C1orf115: variants seen among roughly 807,000 people sequenced by gnomAD.
The protein encoded by C1orf115 is required for drug-induced death protein 1.
A neutral mutation model predicts 12.5 loss-of-function variants in C1orf115; 14 were observed. That is an observed-to-expected ratio of 1.12 (90% CI 0.74 to 1.75). The LOEUF is 1.75. Among genes scored for constraint, C1orf115 ranks in the 40% most tolerant of loss-of-function variants. The pLI is 0.00. For missense variants in C1orf115, 237 were observed against 220.8 expected, an observed-to-expected ratio of 1.07 and a Z score of -0.46; for synonymous variants, 109 against 104.6, an observed-to-expected ratio of 1.04 and a Z score of -0.26.
intron 1 of C1orf115, among the ~76,000 whole-genome samples, chr1:220,691,818 G>A (rs1223073959): frequency 1.3e-5 from 2 of 152,174 alleles, no homozygotes; most frequent in African/African-American, 4.8e-5. Context: ...CTCATTATGC[G>A]TCAGGCATTG....
Position 220,690,590 on chromosome 1 carries a change from C to T in C1orf115, c.188C>T (p.Thr63Ile). ...TSAADERGPG[T>I]RGARRVHFAL... ...GCGGCGGACGAGCGGGGCCCGGGGA[C>T]CCGGGGCGCGCGGAGGGTGCACTTC... Residue 63 changes from threonine (T) to isoleucine (I), a missense_variant, in exon 1 of 2, where the codon ACC (threonine) becomes ATC (isoleucine). Transcript: ENST00000294889. The T allele has an allele frequency of 6.6e-7, 1 of 1,514,176 alleles. No individual in the cohort carries two copies. The highest frequency in any genetic ancestry group is 2.8e-5 in the East Asian group (1 of 36,068). The allele number at this position is 1,514,176 out of a possible 1,614,324, so 93.8% of individuals were successfully genotyped here.
chr1:220,694,589 T>A (rs1670160645), intron 1 of C1orf115, among the ~76,000 whole-genome samples: 1 of 152,200 alleles, frequency 6.6e-6, no homozygotes, highest in Non-Finnish European at 1.5e-5. Flanking sequence ...TGTGGACAGA[T>A]GTAATCTCTC....
intron 1 of C1orf115, 69 bp downstream of exon 1, chr1:220,690,780 G>A: frequency 6.6e-7 from 1 of 1,509,460 alleles, no homozygotes; most frequent in Admixed American, 2.1e-5. Context: ...CGGGAGCCGG[G>A]TCCTTACCAT....
Position 220,690,412 on chromosome 1 carries a change from G to A in C1orf115, c.10G>A (p.Gly4Arg). Residue 4 changes from glycine (G) to arginine (R), a missense_variant, in exon 1 of 2, where the codon GGA becomes AGA. Transcript: ENST00000294889. ...GAGGGGCCGGGACATCATGACGGTGGGAGCCAGGCTCCGAAGCAAGGCGGA... is the reference window on the plus strand; with the variant it reads ...GAGGGGCCGGGACATCATGACGGTGAGAGCCAGGCTCCGAAGCAAGGCGGA... Reference protein sequence around the residue: MTVGARLRSKAESS... With the variant: MTVRARLRSKAESS... 1.4e-6 allele frequency: 2 copies of A among 1,430,820 alleles called. No homozygotes were observed. The highest frequency in any genetic ancestry group is 1.8e-6 in the Non-Finnish European group (2 of 1,099,988). The allele number at this position is 1,430,820 out of a possible 1,614,324, so 88.6% of individuals were successfully genotyped here. A position where few individuals can be genotyped will look rare whatever the true frequency, so the allele number is the denominator to read the frequency against.
chr1:220,696,763 G>C lies in C1orf115; in HGVS notation c.*32G>C. 6.4e-7 allele frequency: 1 copy of C among 1,556,108 alleles called. No homozygotes were observed. The highest frequency in any genetic ancestry group is 8.8e-7 in the Non-Finnish European group (1 of 1,137,042). ...CTGCTGTGGCAGGTGCCCCCAGAGT[G>C]AACGGGAGCCCCTGCTGTGGGAACT... On this transcript the variant is annotated 3_prime_UTR_variant, in exon 2 of 2. Coordinates refer to ENST00000294889, the MANE Select transcript of C1orf115 (RefSeq NM_024709.5).
Position 220,697,952 on chromosome 1 carries a change from GTCT to G in C1orf115, c.*1228_*1230del, listed in dbSNP as rs1349685787. 1 of 152,524 alleles carries G rather than the reference GTCT, an allele frequency of 6.6e-6. No homozygotes were observed. The highest frequency in any genetic ancestry group is 1.5e-5 in the Non-Finnish European group (1 of 68,300). 9.4% of individuals were successfully genotyped at this position (152,524 alleles called of 1,614,324 possible). On this transcript the variant is annotated 3_prime_UTR_variant, in exon 2 of 2. Transcript: ENST00000294889. The surrounding 1 kb of genome is among the most constrained non-coding windows in gnomAD (Gnocchi z 4.5). The stretch of plus-strand genomic sequence containing the variant: ...TCATTGGCTGCCTTTGTAGCATCCT[GTCT>G]TCTTCTGTGCTGCCTGGTTTGATCT...
At chr1:220,692,313 A>G (rs1670123870) in intron 1 of C1orf115, among the ~76,000 whole-genome samples, 2 of 152,190 alleles carry the variant, frequency 1.3e-5, no homozygotes, top group Admixed American at 1.3e-4. Context: ...AGAATTGAAA[A>G]CAGGTACTCA....
rs10602094 is a variant in C1orf115 at position 220,695,494 on chromosome 1, G to GTT, written c.310-1097_310-1096dup. ...GAACGTGTTCCCTGACGATGTCTGG[G>GTT]TTTTTTTTTTTTTTTTTTTTTTCTG... On this transcript the variant is annotated intron_variant, in intron 1 of 1. Transcript: ENST00000294889. Among the ~76,000 whole-genome samples the GTT allele has an allele frequency of 5.9e-3, 691 of 116,374 alleles. 25 individuals are homozygous for GTT. The highest frequency in any genetic ancestry group is 0.017 in the African/African-American group (501 of 29,646). 76.3% of individuals were successfully genotyped at this position (116,374 alleles called of 152,430 possible).
chr1:220,690,664 G>A lies in C1orf115; in HGVS notation c.262G>A (p.Glu88Lys), dbSNP rs766570284. ...YEPLEEPAPS[E>K]QPRKRYRRKL... Reference sequence around the variant, plus strand: ...GCCACTGGAGGAGCCGGCGCCGAGCGAGCAGCCCAGGAAGAGGTACCGGAG... The same window carrying A: ...GCCACTGGAGGAGCCGGCGCCGAGCAAGCAGCCCAGGAAGAGGTACCGGAG... Residue 88 changes from glutamate (E) to lysine (K), a missense_variant, in exon 1 of 2, where the codon GAG becomes AAG. By Grantham distance (56) the Glu-to-Lys change is moderately conservative (BLOSUM62 1). Transcript: ENST00000294889. 1.1e-5 allele frequency: 18 copies of A among 1,594,330 alleles called. No individual in the cohort carries two copies. Among genetic ancestry groups the A allele is most frequent in the Middle Eastern group, 1.8e-4 (1 of 5,600 alleles).
chr1:220,692,633 A>C (rs1440537539), intron 1 of C1orf115, among the ~76,000 whole-genome samples: 1 of 152,224 alleles, frequency 6.6e-6, no homozygotes, highest in Non-Finnish European at 1.5e-5. Flanking sequence ...GGTGGTTGCC[A>C]GGGACTGCGG....
At chr1:220,691,426 T>G (rs1219418430) in intron 1 of C1orf115, among the ~76,000 whole-genome samples, 1 of 152,208 alleles carries the variant, frequency 6.6e-6, no homozygotes, top group African/African-American at 2.4e-5. Flanking sequence ...CCGGAAGCTC[T>G]GCTGGCCTGG....
chr1:220,696,901 G>C lies in C1orf115; in HGVS notation c.*170G>C. ...ATGAGTGAGTCATCCCTGCCCATCT[G>C]CTGAGCTTCTCACATCTCTCAGTCA... On this transcript the variant is annotated 3_prime_UTR_variant, in exon 2 of 2. Coordinates refer to ENST00000294889, the MANE Select transcript of C1orf115 (RefSeq NM_024709.5). The C allele has an allele frequency of 2.5e-6, 2 of 807,612 alleles. No homozygotes were observed. The highest frequency in any genetic ancestry group is 3.5e-6 in the Non-Finnish European group (2 of 567,744). 50.0% of individuals were successfully genotyped at this position (807,612 alleles called of 1,614,324 possible).
At position 220,690,610 on chromosome 1, in the gene C1orf115, C is replaced by T; in HGVS notation, c.208C>T (p.His70Tyr). 6.5e-7 allele frequency: 1 copy of T among 1,537,408 alleles called. No homozygotes were observed. The highest frequency in any genetic ancestry group is 8.7e-7 in the Non-Finnish European group (1 of 1,145,232). Residue 70 changes from histidine to tyrosine, a missense_variant, in exon 1 of 2, where the codon CAC becomes TAC. Physicochemically the swap from His to Tyr is moderately conservative, Grantham distance 83 (BLOSUM62 2). Coordinates refer to ENST00000294889, the MANE Select transcript of C1orf115 (RefSeq NM_024709.5). ...GGGGACCCGGGGCGCGCGGAGGGTGCACTTCGCCCTCCTGCCCGAGCGCTA... is the reference window on the plus strand; with the variant it reads ...GGGGACCCGGGGCGCGCGGAGGGTGTACTTCGCCCTCCTGCCCGAGCGCTA... ...GPGTRGARRV[H>Y]FALLPERYEP...
rs1207081618 is a variant in C1orf115 at position 220,698,519 on chromosome 1, A to C, written c.*1788A>C. The stretch of plus-strand genomic sequence containing the variant: ...AGATAATTACAGCTTGCCCCACAAC[A>C]CTGGGTGTTGGAGAAAGGGAGAGAT... On this transcript the variant is annotated 3_prime_UTR_variant, in exon 2 of 2. Coordinates refer to ENST00000294889, the MANE Select transcript of C1orf115 (RefSeq NM_024709.5). The C allele has an allele frequency of 6.6e-6, 1 of 152,246 alleles. No homozygotes were observed. The highest frequency in any genetic ancestry group is 1.5e-5 in the Non-Finnish European group (1 of 68,058). 9.4% of individuals were successfully genotyped at this position (152,246 alleles called of 1,614,324 possible).
intron 1 of C1orf115, among the ~76,000 whole-genome samples, chr1:220,695,402 G>A (rs755226503): frequency 6.6e-6 from 1 of 151,846 alleles, no homozygotes; most frequent in Admixed American, 6.6e-5. Context: ...TTTCTCCACC[G>A]TAACACAGGC....
In C1orf115 at chr1:220,696,884, G is replaced by C; in HGVS notation, c.*153G>C. On this transcript the variant is annotated 3_prime_UTR_variant, in exon 2 of 2. Coordinates refer to ENST00000294889, the MANE Select transcript of C1orf115 (RefSeq NM_024709.5). ...TGAATCACATTAGTATGATGAGTGA[G>C]TCATCCCTGCCCATCTGCTGAGCTT... 1 of 969,506 alleles carries C rather than the reference G, an allele frequency of 1.0e-6. No individual in the cohort carries two copies. The highest frequency in any genetic ancestry group is 1.4e-6 in the Non-Finnish European group (1 of 703,480). The allele number at this position is 969,506 out of a possible 1,614,324, so 60.1% of individuals were successfully genotyped here.
intron 1 of C1orf115, among the ~76,000 whole-genome samples, chr1:220,693,420 A>G (rs943617436): frequency 2.2e-4 from 33 of 152,086 alleles, no homozygotes; most frequent in African/African-American, 7.7e-4. Context: ...ATAATGGATC[A>G]CTCTTGATTG....
Position 220,696,710 on chromosome 1 carries a change from C to T in C1orf115, c.408C>T (p.Ser136=), listed in dbSNP as rs781633392. 6.9e-6 allele frequency: 11 copies of T among 1,595,812 alleles called. No homozygotes were observed. The Admixed American group carries it at 1.5e-4, about 22-fold the overall frequency. ...CCGCCCCGTTTGCGGTAGCCACCAG[C>T]GTGGTATCCTTCGTGCGCTAATGGG... The part of the protein sequence containing the change: ...AYSAPFAVAT[S]VVSFVR Residue 136 remains serine, a synonymous_variant, in exon 2 of 2, where the codon AGC becomes AGT. Coordinates refer to ENST00000294889, the MANE Select transcript of C1orf115 (RefSeq NM_024709.5).
In C1orf115 at chr1:220,690,530, A is replaced by G; in HGVS notation, c.128A>G (p.Asp43Gly). The change falls in exon 1 of 2, where the codon GAC becomes GGC. Residue 43 changes from aspartate (D) to glycine (G), a missense_variant. Transcript: ENST00000294889. ...AAILEHLEYA[D>G]EAEAAAESGT... ...ATCCTGGAGCACCTGGAGTACGCGGACGAGGCGGAGGCGGCGGCCGAGAGC... is the reference window on the plus strand; with the variant it reads ...ATCCTGGAGCACCTGGAGTACGCGGGCGAGGCGGAGGCGGCGGCCGAGAGC... 1 of 1,444,826 alleles carries G rather than the reference A, an allele frequency of 6.9e-7. No homozygotes were observed. Among genetic ancestry groups the G allele is most frequent in the Non-Finnish European group, 9.0e-7 (1 of 1,105,412 alleles). The allele number at this position is 1,444,826 out of a possible 1,614,324, so 89.5% of individuals were successfully genotyped here.
Sources: gnomAD v4.1 joint callset for allele counts (sites outside exome capture counted in the v4.1 genomes callset) on GRCh38, gnomAD v4.1.1 for gene constraint, Gnocchi (gnomAD v3.1) non-coding constraint, MANE v1.5 for transcripts, NCBI Gene and HGNC (gene_info 2026-07-23, HGNC 2026-07-21) for gene names.